The following GFPT1 variants were observed in gnomAD, a reference collection of about 807,000 sequenced individuals.
The protein encoded by GFPT1 is glutamine--fructose-6-phosphate aminotransferase [isomerizing] 1.
Under a neutral mutation model 92.0 loss-of-function variants are expected in GFPT1, and 40 were observed. The ratio of observed to expected loss-of-function variants is 0.43; its 90% CI spans 0.34 to 0.57. The LOEUF (loss-of-function observed/expected upper bound fraction) is 0.57. Ranked by LOEUF, GFPT1 falls within the 20% of genes least tolerant of loss-of-function variation. The probability of loss-of-function intolerance (pLI) is 0.02; values close to 1 mark genes in which losing one functional copy is unlikely to be tolerated. For missense variants in GFPT1, 448 were observed against 869.1 expected, an observed-to-expected ratio of 0.52 and a Z score of 6.09; for synonymous variants, 269 against 280.6, an observed-to-expected ratio of 0.96 and a Z score of 0.41.
At chr2:69,353,691 CCT>C (rs1352005759) in intron 9 of GFPT1, among the ~76,000 whole-genome samples, 4 of 152,036 alleles carry the variant, frequency 2.6e-5, no homozygotes, top group Non-Finnish European at 4.4e-5. Flanking sequence ...AGAGCAAGAC[CCT>C]GTCTCCCCCT....
Position 69,387,109 on chromosome 2 carries a change from G to A in GFPT1, c.-38C>T. On this transcript the variant is annotated 5_prime_UTR_variant, in exon 1 of 20. Coordinates refer to ENST00000357308, the MANE Select transcript of GFPT1 (RefSeq NM_001244710.2). The stretch of plus-strand genomic sequence containing the variant: ...ACGGCCCGCGAGGCCAGGGGCGAGT[G>A]GCTGGCGGGATCGGGGGTGCACACA... The A allele has an allele frequency of 6.5e-7, 1 of 1,528,804 alleles. No individual in the cohort carries two copies. Among genetic ancestry groups the A allele is most frequent in the Non-Finnish European group, 8.7e-7 (1 of 1,143,638 alleles). 94.7% of individuals were successfully genotyped at this position (1,528,804 alleles called of 1,614,324 possible).
In GFPT1 at chr2:69,356,401, G is replaced by A. The variant is rs1266243897; in HGVS notation, c.605+95C>T. The stretch of plus-strand genomic sequence containing the variant: ...ATGAATATATCTAATAAAGGGCAGA[G>A]CCTTTATAATAAAGGGTCATGTATA... On this transcript the variant is annotated intron_variant, in intron 7 of 19. Transcript: ENST00000357308. 2.4e-5 allele frequency: 21 copies of A among 867,328 alleles called. No homozygotes were observed. The Admixed American group carries it at 3.4e-4, about 14-fold the overall frequency. 53.7% of individuals were successfully genotyped at this position (867,328 alleles called of 1,614,324 possible).
chr2:69,379,860 C>T (rs924106025), intron 1 of GFPT1, among the ~76,000 whole-genome samples: 1 of 151,998 alleles, frequency 6.6e-6, no homozygotes, highest in Admixed American at 6.5e-5. Context: ...GCTGGGATTA[C>T]AGACGTAAGC....
rs1670858573 is a variant in GFPT1, at chr2:69,338,545, C to T, written c.1224G>A (p.Glu408=). 1 of 1,613,752 alleles carries T rather than the reference C, an allele frequency of 6.2e-7. No individual in the cohort carries two copies. Among genetic ancestry groups the T allele is most frequent in the Admixed American group, 1.7e-5 (1 of 60,002 alleles). Residue 408 remains glutamate, a synonymous_variant, in exon 14 of 20, where the codon GAG becomes GAA. Transcript: ENST00000357308. ...CCACCATCACAGGCAACTCAGTCAG[C>T]TCCTCAAGAACTTGACGTGTCTGCA... ...AGVATRQVLE[E]LTELPVMVEL... is the part of the protein sequence containing the mutation.
intron 14 of GFPT1, 106 bp from the exon 15 acceptor site, chr2:69,338,161 T>A: frequency 3.9e-6 from 4 of 1,017,112 alleles, no homozygotes; most frequent in Non-Finnish European, 4.7e-6. Context: ...TTACTTGTTT[T>A]AAATAAAATA....
At chr2:69,331,358 G>C (rs901597772) in intron 15 of GFPT1, among the ~76,000 whole-genome samples, 2 of 151,944 alleles carry the variant, frequency 1.3e-5, no homozygotes, top group African/African-American at 4.8e-5. Flanking sequence ...GTTTTAAGAA[G>C]GTAGTTATTG....
chr2:69,328,700 C>CTTT (rs780340372), intron 17 of GFPT1, among the ~76,000 whole-genome samples: 8,975 of 99,730 alleles, frequency 0.09, 407 homozygotes, highest in Non-Finnish European at 0.12. Context: ...TCTGGTTAAC[C>CTTT]CTTTTTTTTT....
At chr2:69,367,789 G>A (rs1455728251) in intron 3 of GFPT1, among the ~76,000 whole-genome samples, 1 of 152,190 alleles carries the variant, frequency 6.6e-6, no homozygotes, top group Non-Finnish European at 1.5e-5. Flanking sequence ...ATATCCAAGA[G>A]TGGAAGTGCT....
chr2:69,340,140 CTTTTTTTTTTTTTTTT>C (rs139786418), intron 13 of GFPT1, among the ~76,000 whole-genome samples: 2 of 99,098 alleles, frequency 2.0e-5, no homozygotes, highest in African/African-American at 7.1e-5. Context: ...GTTGGGGCAA[CTTTTTTTTTTTTTTTT>C]TTTTTTTTGG....
At chr2:69,353,862 A>G (rs1171739641) in intron 9 of GFPT1, among the ~76,000 whole-genome samples, 2 of 152,276 alleles carry the variant, frequency 1.3e-5, no homozygotes. Flanking sequence ...TAAAAAATAA[A>G]GACCACTTAA....
intron 9 of GFPT1, among the ~76,000 whole-genome samples, chr2:69,352,380 C>T (rs908842224): frequency 3.3e-5 from 5 of 151,472 alleles, no homozygotes; most frequent in Admixed American, 3.3e-4. Flanking sequence ...TTTGGGAGGC[C>T]GAGGTGGGCG....
chr2:69,335,851 T>C (rs923648967), intron 15 of GFPT1, among the ~76,000 whole-genome samples: 3 of 151,722 alleles, frequency 2.0e-5, no homozygotes, highest in Admixed American at 6.6e-5. Context: ...TAAAACTCCG[T>C]CTCTACAAAA....
chr2:69,349,830 G>A (rs1165630719), intron 10 of GFPT1, among the ~76,000 whole-genome samples: 1 of 152,060 alleles, frequency 6.6e-6, no homozygotes, highest in East Asian at 1.9e-4. Flanking sequence ...AAATGTAAGA[G>A]CTCTAAAATA....
At chr2:69,368,894 C>A (rs1671674452) in intron 3 of GFPT1, among the ~76,000 whole-genome samples, 1 of 152,172 alleles carries the variant, frequency 6.6e-6, no homozygotes, top group African/African-American at 2.4e-5. Context: ...ACACGCCTGC[C>A]ATTACTCTTC....
chr2:69,338,117 G>C, intron 14 of GFPT1, 62 bp from the exon 15 acceptor site: 2 of 1,448,332 alleles, frequency 1.4e-6, no homozygotes, highest in Non-Finnish European at 1.9e-6. Context: ...TGTTTCTTAG[G>C]AGCAAAAACA....
chr2:69,326,081 T>C lies in GFPT1; in HGVS notation c.*108A>G. On this transcript the variant is annotated 3_prime_UTR_variant, in exon 20 of 20. Transcript: ENST00000357308. ...TATAACTGATATATAAATAAGGATTTACTAAAAAAAGGCTTCAAGGGGTGA... is the reference window on the plus strand; with the variant it reads ...TATAACTGATATATAAATAAGGATTCACTAAAAAAAGGCTTCAAGGGGTGA... 1 of 696,790 alleles carries C rather than the reference T, an allele frequency of 1.4e-6. No homozygotes were observed. 43.2% of individuals were successfully genotyped at this position (696,790 alleles called of 1,614,324 possible).
At chr2:69,356,408 T>C (rs897282470) in intron 7 of GFPT1, 88 bp downstream of exon 7, 2 of 916,362 alleles carry the variant, frequency 2.2e-6, no homozygotes, top group African/African-American at 1.6e-5. Context: ...AGAGCCTTTA[T>C]AATAAAGGGT....
chr2:69,378,185 T>TACAAA (rs1272782814), intron 1 of GFPT1, among the ~76,000 whole-genome samples: 1 of 152,186 alleles, frequency 6.6e-6, no homozygotes, highest in Non-Finnish European at 1.5e-5. Context: ...TTTGTATTTT[T>TACAAA]AGTAGAGATG....
chr2:69,329,844 G>T (rs2104601022), intron 15 of GFPT1, 46 bp from the exon 16 acceptor site: 1 of 933,978 alleles, frequency 1.1e-6, no homozygotes, highest in Non-Finnish European at 1.8e-6. Flanking sequence ...AGCTGCATCT[G>T]AAGAATTTAG....
Sources: allele counts gnomAD v4.1 joint callset (sites outside exome capture counted in the v4.1 genomes callset), GRCh38; gene constraint gnomAD v4.1.1; transcripts MANE v1.5; gene names NCBI Gene and HGNC (gene_info 2026-07-23, HGNC 2026-07-21).